Variants in TPD52L1 observed in about 807,000 individuals in gnomAD.
TPD52L1 encodes TPD52 like 1.
A neutral mutation model predicts 28.7 loss-of-function variants in TPD52L1; 18 were observed. That is an observed-to-expected ratio of 0.63 (90% CI 0.43 to 0.93). TPD52L1 has a LOEUF of 0.93. Among genes scored for constraint, TPD52L1 ranks in the 40% least tolerant of loss-of-function variants. The pLI is 0.00. For synonymous variants in TPD52L1, 75 were observed against 88.8 expected (o/e 0.84, Z 0.88); for missense variants, 203 against 254.8 (o/e 0.80, Z 1.39).
rs538883512 is a variant in TPD52L1, at chr6:125,205,441, A to G, written c.20-14637A>G. ...ATCACTCCAAATTTCCACAGCTTCC[A>G]GTGCCTTCAAGAGCATACTGTATAG... On this transcript the variant is annotated intron_variant, in intron 1 of 6. Transcript: ENST00000534000. Among the ~76,000 whole-genome samples the G allele has an allele frequency of 5.9e-5, 9 of 152,272 alleles. No individual in the cohort carries two copies. The South Asian group carries it at 1.9e-3, about 32-fold the overall frequency.
intron 1 of TPD52L1, among the ~76,000 whole-genome samples, chr6:125,191,918 C>T (rs1256682732): frequency 6.6e-6 from 1 of 152,194 alleles, no homozygotes; most frequent in Non-Finnish European, 1.5e-5. Context: ...AGCATATGGA[C>T]TTTGCTATTC....
At chr6:125,194,053 CAA>C (rs1305300740) in intron 1 of TPD52L1, among the ~76,000 whole-genome samples, 1 of 102,014 alleles carries the variant, frequency 9.8e-6, no homozygotes, top group Non-Finnish European at 2.1e-5. Flanking sequence ...TCTAAAAAAA[CAA>C]AAGGCTGATA....
intron 1 of TPD52L1, among the ~76,000 whole-genome samples, chr6:125,176,442 C>T (rs1052598867): frequency 2.6e-5 from 4 of 152,108 alleles, no homozygotes; most frequent in Non-Finnish European, 5.9e-5. Context: ...ATTTCAGTGG[C>T]CTTTCAATGG....
intron 1 of TPD52L1, among the ~76,000 whole-genome samples, chr6:125,204,411 G>A (rs1248767479): frequency 6.6e-6 from 1 of 152,164 alleles, no homozygotes; most frequent in African/African-American, 2.4e-5. Flanking sequence ...TGCATTGGTT[G>A]CAAGTCTTGG....
At chr6:125,169,551 C>T (rs933600574) in intron 1 of TPD52L1, among the ~76,000 whole-genome samples, 4 of 152,178 alleles carry the variant, frequency 2.6e-5, no homozygotes, top group South Asian at 4.1e-4. Context: ...CTATCATCCA[C>T]GGTTTAGCTT....
intron 3 of TPD52L1, among the ~76,000 whole-genome samples, chr6:125,234,574 GC>G (rs1796144146): frequency 6.6e-6 from 1 of 152,170 alleles, no homozygotes; most frequent in South Asian, 2.1e-4. Flanking sequence ...ATGTAAGTCA[GC>G]AATGGTGAAC....
intron 4 of TPD52L1, among the ~76,000 whole-genome samples, chr6:125,249,173 ACT>A (rs1797102069): frequency 6.6e-6 from 1 of 150,824 alleles, no homozygotes; most frequent in South Asian, 2.1e-4. Flanking sequence ...TAGAGGTATT[ACT>A]CTTAGTTTTT....
At chr6:125,225,907 T>C (rs1795577656) in intron 2 of TPD52L1, among the ~76,000 whole-genome samples, 1 of 152,214 alleles carries the variant, frequency 6.6e-6, no homozygotes, top group Non-Finnish European at 1.5e-5. Context: ...AAATATGCTT[T>C]CTTATTTAAA....
chr6:125,181,997 G>C (rs1792224963), intron 1 of TPD52L1, among the ~76,000 whole-genome samples: 1 of 152,176 alleles, frequency 6.6e-6, no homozygotes, highest in Non-Finnish European at 1.5e-5. Context: ...CTTCATGTCA[G>C]TTTTTATGGA....
In TPD52L1 at chr6:125,256,783, T is replaced by G. The variant is rs17052961; in HGVS notation, c.426-315T>G. Among the ~76,000 whole-genome samples the G allele has an allele frequency of 7.6e-3, 1,162 of 152,364 alleles. 14 individuals are homozygous for G. The highest frequency in any genetic ancestry group is 0.027 in the African/African-American group (1,125 of 41,596). ...CTAAATGAAAACTTAAGCTACCCATTGCTCCACTGGCTCATTGGAAATGAT... is the reference window on the plus strand; with the variant it reads ...CTAAATGAAAACTTAAGCTACCCATGGCTCCACTGGCTCATTGGAAATGAT... On this transcript the variant is annotated intron_variant, in intron 5 of 6. Transcript: ENST00000534000.
intron 1 of TPD52L1, chr6:125,214,451 A>C: frequency 1.0e-6 from 1 of 984,510 alleles, no homozygotes; most frequent in Non-Finnish European, 1.2e-6. Context: ...AGCCAGAGGC[A>C]CATACCTCCT....
At chr6:125,240,640 G>A (rs1796563576) in intron 3 of TPD52L1, among the ~76,000 whole-genome samples, 1 of 151,946 alleles carries the variant, frequency 6.6e-6, no homozygotes, top group African/African-American at 2.4e-5. Flanking sequence ...CACTGTTGGT[G>A]TACAGCAGTG....
intron 2 of TPD52L1, among the ~76,000 whole-genome samples, chr6:125,226,860 G>A (rs1216695263): frequency 6.6e-6 from 1 of 152,084 alleles, no homozygotes; most frequent in Non-Finnish European, 1.5e-5. Flanking sequence ...CATTGACAAA[G>A]ATGAAAAAGA....
In TPD52L1 at chr6:125,172,529, T is replaced by TACATACATACATACATACATAC. The variant is rs1206570913; in HGVS notation, c.19+18560_19+18561insCATACATACATACATACATACA. ...CTTTCATGCTATATATATATATATA[T>TACATACATACATACATACATAC]ATATATATATATATATATATATAAT... On this transcript the variant is annotated intron_variant, in intron 1 of 6. Coordinates refer to ENST00000534000, the MANE Select transcript of TPD52L1 (RefSeq NM_003287.4). Among the ~76,000 whole-genome samples, 135 of 84,954 alleles carry TACATACATACATACATACATAC rather than the reference T, an allele frequency of 1.6e-3. 8 individuals carry two copies. The highest frequency in any genetic ancestry group is 6.5e-3 in the African/African-American group (130 of 20,108). The allele number at this position is 84,954 out of a possible 152,430, so 55.7% of individuals were successfully genotyped here.
At chr6:125,253,467 A>G (rs1187376493) in intron 4 of TPD52L1, 1 of 500,270 alleles carries the variant, frequency 2.0e-6, no homozygotes, top group African/African-American at 1.9e-5. Flanking sequence ...ATTTCCTGGC[A>G]AAAGGAGGCT....
At chr6:125,208,757 T>C (rs1794324457) in intron 1 of TPD52L1, among the ~76,000 whole-genome samples, 1 of 152,126 alleles carries the variant, frequency 6.6e-6, no homozygotes, top group Non-Finnish European at 1.5e-5. Flanking sequence ...AGACACGTAA[T>C]CAAATAGACA....
chr6:125,178,188 C>A (rs140438589), intron 1 of TPD52L1, among the ~76,000 whole-genome samples: 6 of 152,294 alleles, frequency 3.9e-5, no homozygotes, highest in Middle Eastern at 6.8e-3. Context: ...TTTATTTCTT[C>A]ATTCAATAAT....
chr6:125,201,490 T>C (rs912895267), intron 1 of TPD52L1, among the ~76,000 whole-genome samples: 1 of 152,208 alleles, frequency 6.6e-6, no homozygotes, highest in Non-Finnish European at 1.5e-5. Flanking sequence ...TCTCCTTAGG[T>C]TTGCACCTTT....
chr6:125,245,248 A>G (rs1041659393), intron 3 of TPD52L1, among the ~76,000 whole-genome samples: 11 of 152,258 alleles, frequency 7.2e-5, no homozygotes, highest in Admixed American at 3.3e-4. Context: ...GTTAGCCAGG[A>G]TGTTACAGGC....
Sources: gnomAD v4.1 joint callset for allele counts (sites outside exome capture counted in the v4.1 genomes callset) on GRCh38, gnomAD v4.1.1 for gene constraint, MANE v1.5 for transcripts, NCBI Gene and HGNC (gene_info 2026-07-23, HGNC 2026-07-21) for gene names.